The following ACTR3C variants were observed in gnomAD, a reference collection of about 807,000 sequenced individuals.
The protein encoded by ACTR3C is actin related protein 3C, also known as actin-related protein 3C.
In ACTR3C, 18 loss-of-function variants were observed where a neutral mutation model predicts 26.3. That is an observed-to-expected ratio of 0.68 (90% CI 0.47 to 1.01). The LOEUF is 1.01. Ranked by LOEUF, ACTR3C falls within the 50% of genes least tolerant of loss-of-function variation. ACTR3C has a pLI of 0.00. For missense variants in ACTR3C, 184 were observed against 250.7 expected (o/e 0.73, Z 1.80); for synonymous variants, 55 against 94.5 (o/e 0.58, Z 2.42).
the ACTR3C span, among the ~76,000 whole-genome samples, chr7:149,927,579 T>G: frequency 6.6e-6 from 1 of 151,630 alleles, no homozygotes; most frequent in Non-Finnish European, 1.5e-5. Context: ...AAATACAAAA[T>G]TAGCCGGGCA....
At chr7:150,305,503 G>A (rs147551712) in intron 1 of ACTR3C, among the ~76,000 whole-genome samples, 4,257 of 152,156 alleles carry the variant, frequency 0.028, 217 homozygotes, top group African/African-American at 0.097. Flanking sequence ...ACACTCCCCC[G>A]CTCTCGTCAC....
At chr7:150,088,628 A>G in the ACTR3C span, among the ~76,000 whole-genome samples, 1 of 152,156 alleles carries the variant, frequency 6.6e-6, no homozygotes, top group Non-Finnish European at 1.5e-5. Context: ...TGTTATAATT[A>G]AAAAAAGATA....
chr7:150,091,203 G>C, the ACTR3C span, among the ~76,000 whole-genome samples: 2 of 136,878 alleles, frequency 1.5e-5, no homozygotes, highest in African/African-American at 5.3e-5. Context: ...GCTCACATGG[G>C]GTCTGGAAAC....
chr7:150,065,423 T>A, the ACTR3C span, among the ~76,000 whole-genome samples: 1 of 152,242 alleles, frequency 6.6e-6, no homozygotes, highest in South Asian at 2.1e-4. Context: ...ACCCATTACA[T>A]GACCACATCA....
At chr7:150,039,976 G>T in the ACTR3C span, among the ~76,000 whole-genome samples, 3 of 142,204 alleles carry the variant, frequency 2.1e-5, no homozygotes, top group African/African-American at 5.1e-5. Context: ...CGCCTCGCGG[G>T]GATTGCCTCC....
At chr7:150,238,160 A>G in the ACTR3C span, among the ~76,000 whole-genome samples, 4 of 145,732 alleles carry the variant, frequency 2.7e-5, no homozygotes, top group Non-Finnish European at 4.4e-5. Context: ...TTATATAATA[A>G]TTAGAACTAG....
At chr7:149,950,534 C>A in the ACTR3C span, among the ~76,000 whole-genome samples, 9 of 152,128 alleles carry the variant, frequency 5.9e-5, no homozygotes, top group East Asian at 1.5e-3. Flanking sequence ...TCACGAAAAA[C>A]CAAAGGACAT....
the ACTR3C span, among the ~76,000 whole-genome samples, chr7:150,119,904 C>A: frequency 6.6e-6 from 1 of 152,190 alleles, no homozygotes; most frequent in East Asian, 1.9e-4. Flanking sequence ...ATGGCACAAT[C>A]AAATTAGAAC....
the ACTR3C span, among the ~76,000 whole-genome samples, chr7:150,160,187 C>G: frequency 1.3e-5 from 2 of 151,868 alleles, no homozygotes; most frequent in African/African-American, 4.8e-5. Flanking sequence ...CTTACTGAGA[C>G]AAATGAAAAA....
At chr7:150,018,745 T>C in the ACTR3C span, among the ~76,000 whole-genome samples, 1 of 150,370 alleles carries the variant, frequency 6.7e-6, no homozygotes, top group Admixed American at 6.6e-5. Flanking sequence ...CTAACAAGCC[T>C]AACCAACCCA....
the ACTR3C span, among the ~76,000 whole-genome samples, chr7:150,132,035 G>A: frequency 1.3e-5 from 2 of 152,234 alleles, no homozygotes; most frequent in African/African-American, 2.4e-5. Context: ...ATACTACAGC[G>A]ATGGCTATTG....
At chr7:150,299,497 A>AAC (rs1563196759) in intron 1 of ACTR3C, among the ~76,000 whole-genome samples, 31 of 146,460 alleles carry the variant, frequency 2.1e-4, no homozygotes, top group Non-Finnish European at 3.6e-4. Flanking sequence ...AAAAAAAACA[A>AAC]AAAACAGGCT....
At chr7:149,979,197 G>T in the ACTR3C span, among the ~76,000 whole-genome samples, 9 of 152,194 alleles carry the variant, frequency 5.9e-5, no homozygotes, top group Non-Finnish European at 1.2e-4. Context: ...CAGGACATTT[G>T]ACACACACTT....
intron 1 of ACTR3C, among the ~76,000 whole-genome samples, chr7:150,316,483 A>ATTTTT (rs35767189): frequency 5.0e-5 from 4 of 80,530 alleles, no homozygotes; most frequent in Admixed American, 1.3e-4. Flanking sequence ...GAATCTGGTT[A>ATTTTT]TTTTTTTTTT....
chr7:149,944,127 T>A, the ACTR3C span, among the ~76,000 whole-genome samples: 5 of 149,144 alleles, frequency 3.4e-5, no homozygotes, highest in African/African-American at 7.7e-5. Flanking sequence ...TTCTTGTGTG[T>A]TCAGGAAAAT....
the ACTR3C span, among the ~76,000 whole-genome samples, chr7:150,195,957 T>C: frequency 1.3e-5 from 2 of 152,254 alleles, no homozygotes; most frequent in Non-Finnish European, 2.9e-5. Flanking sequence ...CTGCTATAAT[T>C]CTTATCTTTG....
At chr7:150,287,953 AGGT>A (rs1256113729) in intron 4 of ACTR3C, among the ~76,000 whole-genome samples, 2 of 145,348 alleles carry the variant, frequency 1.4e-5, no homozygotes, top group Non-Finnish European at 3.0e-5. Context: ...CTTAACCTTA[AGGT>A]TCAGGATTCA....
At chr7:150,006,416 C>G in the ACTR3C span, among the ~76,000 whole-genome samples, 3 of 147,560 alleles carry the variant, frequency 2.0e-5, no homozygotes, top group Admixed American at 6.9e-5. Flanking sequence ...CCAGGATGGT[C>G]TCGATCTCCT....
chr7:149,990,850 A>G, the ACTR3C span, among the ~76,000 whole-genome samples: 5 of 152,162 alleles, frequency 3.3e-5, no homozygotes, highest in African/African-American at 1.2e-4. Flanking sequence ...CAGTGTATTC[A>G]GGGGAGTTAT....
Sources: gnomAD v4.1 joint callset for allele counts (sites outside exome capture counted in the v4.1 genomes callset) on GRCh38, gnomAD v4.1.1 for gene constraint, MANE v1.5 for transcripts, NCBI Gene and HGNC (gene_info 2026-07-23, HGNC 2026-07-21) for gene names.